The following EML1 variants were observed in gnomAD, a reference collection of about 807,000 sequenced individuals.
EML1 encodes the protein echinoderm microtubule-associated protein-like 1.
EML1 carries 27 observed loss-of-function variants against 110.4 expected under a neutral mutation model. The observed-to-expected ratio is 0.24, with a 90% CI of 0.18 to 0.34. The LOEUF is 0.34. EML1 is among the 10% of genes least tolerant of loss of function. The pLI is 1.00. For missense variants in EML1, 741 were observed against 1,030.9 expected, an observed-to-expected ratio of 0.72 and a Z score of 3.85; for synonymous variants, 344 against 385.8, an observed-to-expected ratio of 0.89 and a Z score of 1.27.
intron 1 of EML1, among the ~76,000 whole-genome samples, chr14:99,739,098 G>C (rs1197323411): frequency 4.3e-5 from 5 of 116,460 alleles, no homozygotes; most frequent in African/African-American, 1.3e-4. Flanking sequence ...GTGTGAGAGA[G>C]AGAGACAGAG....
chr14:99,877,193 G>A (rs2059306985), intron 3 of EML1, among the ~76,000 whole-genome samples: 4 of 152,142 alleles, frequency 2.6e-5, no homozygotes, highest in Admixed American at 1.3e-4. Context: ...CTCACATGGT[G>A]GAAAAGGGTA....
At chr14:99,914,444 GGAGA>G in intron 14 of EML1, 118 bp from the exon 15 acceptor site, 1 of 1,527,532 alleles carries the variant, frequency 6.5e-7, no homozygotes, top group South Asian at 1.3e-5. Flanking sequence ...AAAGATGGGA[GGAGA>G]GAAACTGTTG....
At chr14:99,762,862 G>A (rs2057329167) in intron 1 of EML1, among the ~76,000 whole-genome samples, 2 of 152,138 alleles carry the variant, frequency 1.3e-5, no homozygotes, top group South Asian at 4.1e-4. Flanking sequence ...ACATGTTACT[G>A]GTAGAAGATA....
At chr14:99,785,719 T>C (rs907067561) in intron 1 of EML1, among the ~76,000 whole-genome samples, 12 of 152,182 alleles carry the variant, frequency 7.9e-5, no homozygotes, top group African/African-American at 2.9e-4. Flanking sequence ...CCAACCTCGT[T>C]CCCTGTTTTT....
intron 13 of EML1, among the ~76,000 whole-genome samples, chr14:99,913,488 C>T (rs1457325432): frequency 1.3e-5 from 2 of 152,098 alleles, no homozygotes; most frequent in Non-Finnish European, 2.9e-5. Context: ...ATATTCTTTA[C>T]TTTCTGAATT....
chr14:99,868,794 A>G (rs754616787), intron 3 of EML1, among the ~76,000 whole-genome samples: 5 of 151,236 alleles, frequency 3.3e-5, no homozygotes, highest in Admixed American at 6.6e-5. Context: ...TTGTTTTTCT[A>G]TTCTCCACTT....
chr14:99,762,118 A>T (rs1199343207), intron 1 of EML1, among the ~76,000 whole-genome samples: 1 of 152,110 alleles, frequency 6.6e-6, no homozygotes, highest in Admixed American at 6.5e-5. Context: ...GGCTTTACAT[A>T]AATTAATTTG....
chr14:99,911,974 C>A (rs1174427655), intron 13 of EML1, among the ~76,000 whole-genome samples: 1 of 150,528 alleles, frequency 6.6e-6, no homozygotes, highest in African/African-American at 2.5e-5. Flanking sequence ...CAGTTTACTG[C>A]AACCTCCCCC....
Position 99,936,046 on chromosome 14 carries a change from A to G in EML1, c.1927A>G (p.Ile643Val). The G allele has an allele frequency of 1.2e-6, 2 of 1,614,128 alleles. No individual in the cohort carries two copies. Among genetic ancestry groups the G allele is most frequent in the Non-Finnish European group, 1.7e-6 (2 of 1,180,020 alleles). Residue 643 changes from isoleucine (I) to valine (V), a missense_variant, in exon 18 of 22, where the codon ATA becomes GTA. Ile to Val is a conservative substitution (Grantham distance 29). Coordinates refer to ENST00000262233, the MANE Select transcript of EML1 (RefSeq NM_004434.3). The surrounding 1 kb of genome is among the most constrained non-coding windows in gnomAD (Gnocchi z 5.5). ...RYSPDGNFLAIGSHDNCIYIY... is the reference protein window; with the variant it reads ...RYSPDGNFLAVGSHDNCIYIY... Reference sequence around the variant, plus strand: ...TTTTATAGATGGGAATTTCTTAGCCATAGGCTCACATGACAACTGCATCTA... The same window carrying G: ...TTTTATAGATGGGAATTTCTTAGCCGTAGGCTCACATGACAACTGCATCTA...
At chr14:99,861,445 G>A (rs1293817226) in intron 2 of EML1, among the ~76,000 whole-genome samples, 1 of 152,210 alleles carries the variant, frequency 6.6e-6, no homozygotes. Flanking sequence ...GAGCCTAAAT[G>A]GAGGCAGATT....
intron 1 of EML1, among the ~76,000 whole-genome samples, chr14:99,761,400 G>A (rs965643470): frequency 6.6e-5 from 10 of 152,204 alleles, no homozygotes; most frequent in African/African-American, 2.4e-4. Flanking sequence ...AGGAAGGCTG[G>A]CAGAGCGGTG....
intron 13 of EML1, among the ~76,000 whole-genome samples, chr14:99,913,435 C>T (rs991761773): frequency 2.0e-5 from 3 of 152,098 alleles, no homozygotes; most frequent in Non-Finnish European, 1.5e-5. Context: ...CCTCGGCCCC[C>T]CAAAGTGCTG....
At chr14:99,876,390 A>C (rs555573572) in intron 3 of EML1, among the ~76,000 whole-genome samples, 40 of 152,144 alleles carry the variant, frequency 2.6e-4, no homozygotes, top group African/African-American at 9.6e-4. Context: ...GAGACTCCCC[A>C]CTTCCCAGGG....
At chr14:99,895,918 C>G (rs1225470915) in intron 6 of EML1, among the ~76,000 whole-genome samples, 3 of 152,038 alleles carry the variant, frequency 2.0e-5, no homozygotes, top group Non-Finnish European at 4.4e-5. Context: ...CAAAAAGGCT[C>G]CCCAAAAATC....
At chr14:99,797,822 A>G (rs947247812) in intron 1 of EML1, among the ~76,000 whole-genome samples, 7 of 152,208 alleles carry the variant, frequency 4.6e-5, no homozygotes, top group Non-Finnish European at 8.8e-5. Flanking sequence ...CTTCAAAGTA[A>G]AGGTTACCCA....
chr14:99,811,381 A>G (rs962206011), intron 1 of EML1, among the ~76,000 whole-genome samples: 2 of 148,056 alleles, frequency 1.4e-5, no homozygotes, highest in Non-Finnish European at 3.0e-5. Flanking sequence ...AGTCTTAACT[A>G]CTAACAGCTT....
chr14:99,909,613 G>C, intron 11 of EML1, 134 bp downstream of exon 11: 1 of 1,172,558 alleles, frequency 8.5e-7, no homozygotes, highest in Non-Finnish European at 1.2e-6. Flanking sequence ...TGTCACACCT[G>C]GTAGATAACG....
chr14:99,891,907 G>A (rs1197484249), intron 5 of EML1, among the ~76,000 whole-genome samples: 2 of 152,190 alleles, frequency 1.3e-5, no homozygotes, highest in African/African-American at 4.8e-5. Flanking sequence ...TTATCAGCAT[G>A]TGCTTTAGTG....
At chr14:99,851,638 T>C (rs1356453262) in intron 2 of EML1, among the ~76,000 whole-genome samples, 2 of 152,164 alleles carry the variant, frequency 1.3e-5, no homozygotes, top group African/African-American at 4.8e-5. Flanking sequence ...TTCTCTGGGA[T>C]GGAGAGAGCT....
Sources: allele counts gnomAD v4.1 joint callset (sites outside exome capture counted in the v4.1 genomes callset), GRCh38; gene constraint gnomAD v4.1.1; non-coding constraint Gnocchi (gnomAD v3.1); transcripts MANE v1.5; gene names NCBI Gene and HGNC (gene_info 2026-07-23, HGNC 2026-07-21).